CACNA2D3: variants seen among roughly 807,000 people sequenced by gnomAD.
The protein encoded by CACNA2D3 is voltage-dependent calcium channel subunit alpha-2/delta-3.
Under a neutral mutation model 160.6 loss-of-function variants are expected in CACNA2D3, and 60 were observed. That is an observed-to-expected ratio of 0.37 (90% CI 0.30 to 0.46). The LOEUF is 0.46. Among genes scored for constraint, CACNA2D3 ranks in the 20% least tolerant of loss-of-function variants. The pLI is 1.00. For synonymous variants in CACNA2D3, 558 were observed against 492.9 expected, an observed-to-expected ratio of 1.13 and a Z score of -1.75; for missense variants, 1,205 against 1,365.0, an observed-to-expected ratio of 0.88 and a Z score of 1.85.
chr3:54,226,868 A>G (rs899390692), intron 2 of CACNA2D3, among the ~76,000 whole-genome samples: 6 of 152,200 alleles, frequency 3.9e-5, no homozygotes, highest in African/African-American at 7.2e-5. Flanking sequence ...TGATAGGTCT[A>G]CAGTTCCTCC....
At chr3:54,402,258 A>T (rs1172406776) in intron 4 of CACNA2D3, among the ~76,000 whole-genome samples, 1 of 152,168 alleles carries the variant, frequency 6.6e-6, no homozygotes, top group East Asian at 1.9e-4. Context: ...AGTTAATAAA[A>T]TGGCAGTAAT....
At chr3:54,650,911 C>T (rs775268978) in intron 11 of CACNA2D3, among the ~76,000 whole-genome samples, 13 of 152,196 alleles carry the variant, frequency 8.5e-5, no homozygotes, top group African/African-American at 9.7e-5. Flanking sequence ...TCTAAATGCT[C>T]CGTGTGTATC....
intron 11 of CACNA2D3, among the ~76,000 whole-genome samples, chr3:54,657,280 G>C (rs2106874457): frequency 6.6e-6 from 1 of 152,266 alleles, no homozygotes; most frequent in South Asian, 2.1e-4. Flanking sequence ...GGCTTAGCTT[G>C]GGCTCAGAGG....
At chr3:54,462,347 G>A (rs933003896) in intron 4 of CACNA2D3, among the ~76,000 whole-genome samples, 8 of 152,102 alleles carry the variant, frequency 5.3e-5, no homozygotes, top group East Asian at 1.9e-4. Flanking sequence ...ACTTTGTCTC[G>A]CTGATCTGTC....
At chr3:55,043,131 G>C (rs1703993137) in intron 35 of CACNA2D3, among the ~76,000 whole-genome samples, 1 of 152,172 alleles carries the variant, frequency 6.6e-6, no homozygotes, top group Non-Finnish European at 1.5e-5. Context: ...TGGGAGTGGG[G>C]TTGCTGGATT....
chr3:54,160,472 C>G (rs1254884584), intron 2 of CACNA2D3, among the ~76,000 whole-genome samples: 1 of 152,116 alleles, frequency 6.6e-6, no homozygotes, highest in Non-Finnish European at 1.5e-5. Flanking sequence ...TGTACTCCAG[C>G]CTGGGCAACA....
chr3:55,043,704 C>A (rs1704011923), intron 35 of CACNA2D3, among the ~76,000 whole-genome samples: 1 of 152,112 alleles, frequency 6.6e-6, no homozygotes, highest in Non-Finnish European at 1.5e-5. Flanking sequence ...TCTAAGAAAT[C>A]TTTGCCTAAC....
intron 11 of CACNA2D3, among the ~76,000 whole-genome samples, chr3:54,678,645 C>G (rs921220562): frequency 1.5e-5 from 2 of 129,328 alleles, no homozygotes; most frequent in Non-Finnish European, 3.1e-5. Flanking sequence ...CGCTTGAAGC[C>G]GGGAGGTGGA....
At chr3:54,793,761 TTTCC>T (rs1702809502) in intron 13 of CACNA2D3, among the ~76,000 whole-genome samples, 1 of 152,186 alleles carries the variant, frequency 6.6e-6, no homozygotes, top group Admixed American at 6.5e-5. Context: ...TTGGGATGTA[TTTCC>T]TTCTTTATTT....
At chr3:54,345,242 C>G (rs996186226) in intron 3 of CACNA2D3, among the ~76,000 whole-genome samples, 1 of 152,212 alleles carries the variant, frequency 6.6e-6, no homozygotes, top group Admixed American at 6.5e-5. Context: ...GAGCGAGATC[C>G]AAGAACCCTC....
At chr3:54,867,476 A>G (rs1347615802) in intron 17 of CACNA2D3, among the ~76,000 whole-genome samples, 1 of 151,490 alleles carries the variant, frequency 6.6e-6, no homozygotes, top group African/African-American at 2.4e-5. Flanking sequence ...AACTAAATAT[A>G]TACAAGTTGG....
At chr3:54,860,746 G>C (rs752992535) in intron 17 of CACNA2D3, among the ~76,000 whole-genome samples, 1 of 152,140 alleles carries the variant, frequency 6.6e-6, no homozygotes, top group Non-Finnish European at 1.5e-5. Context: ...ACTAGTGCCT[G>C]TTTCTCTATG....
chr3:54,851,386 C>G (rs1164209240), intron 17 of CACNA2D3, among the ~76,000 whole-genome samples: 1 of 152,156 alleles, frequency 6.6e-6, no homozygotes, highest in African/African-American at 2.4e-5. Flanking sequence ...AGGTAAATAT[C>G]CTCATGTTAC....
At chr3:54,982,128 GC>G (rs1359843202) in intron 29 of CACNA2D3, among the ~76,000 whole-genome samples, 3 of 152,144 alleles carry the variant, frequency 2.0e-5, no homozygotes, top group Non-Finnish European at 4.4e-5. Flanking sequence ...TCCTGTACAT[GC>G]CTTATCCTGT....
At chr3:54,691,068 A>G (rs1194186057) in intron 11 of CACNA2D3, among the ~76,000 whole-genome samples, 1 of 152,146 alleles carries the variant, frequency 6.6e-6, no homozygotes, top group Non-Finnish European at 1.5e-5. Flanking sequence ...AGATGCCTTT[A>G]GAAGATGTTA....
chr3:55,002,039 C>T (rs1702989129), intron 31 of CACNA2D3, among the ~76,000 whole-genome samples: 1 of 151,824 alleles, frequency 6.6e-6, no homozygotes, highest in Non-Finnish European at 1.5e-5. Flanking sequence ...GCCTGTAGTC[C>T]CAACTACTCG....
At chr3:54,647,178 A>T (rs537428328) in intron 11 of CACNA2D3, among the ~76,000 whole-genome samples, 56 of 152,274 alleles carry the variant, frequency 3.7e-4, no homozygotes, top group Admixed American at 1.8e-3. Context: ...TGAGCAGAGG[A>T]CCCAGCTTGT....
At chr3:54,979,387 G>C (rs73067762) in intron 29 of CACNA2D3, among the ~76,000 whole-genome samples, 34,358 of 152,168 alleles carry the variant, frequency 0.23, 4,112 homozygotes, top group African/African-American at 0.3. Flanking sequence ...CAATAGAAAA[G>C]AGATTCTTAC....
At chr3:54,571,823 G>A (rs1402027981) in intron 8 of CACNA2D3, among the ~76,000 whole-genome samples, 1 of 152,108 alleles carries the variant, frequency 6.6e-6, no homozygotes, top group East Asian at 1.9e-4. Flanking sequence ...TGTGTCTTGG[G>A]CTAATTACTT....
Sources: gnomAD v4.1 joint callset for allele counts (sites outside exome capture counted in the v4.1 genomes callset) on GRCh38, gnomAD v4.1.1 for gene constraint, MANE v1.5 for transcripts, NCBI Gene and HGNC (gene_info 2026-07-23, HGNC 2026-07-21) for gene names.